Variants in PLA2G5 observed in about 807,000 individuals in gnomAD.
The protein encoded by PLA2G5 is Ca2+-dependent phospholipase A2.
PLA2G5 carries 12 observed loss-of-function variants against 15.9 expected under a neutral mutation model. The ratio of observed to expected loss-of-function variants is 0.76; its 90% CI spans 0.48 to 1.23. PLA2G5 has a LOEUF of 1.23. PLA2G5 is among the 50% of genes most tolerant of loss of function. PLA2G5 has a pLI of 0.00. For missense variants in PLA2G5, 169 were observed against 177.1 expected (o/e 0.95, Z 0.26); for synonymous variants, 71 against 71.4 (o/e 0.99, Z 0.03).
At chr1:20,066,811 A>G (rs2015055181), upstream of PLA2G5, among the ~76,000 whole-genome samples, 1 of 152,192 alleles carries the variant, frequency 6.6e-6, no homozygotes. Context: ...GTTCCAAAAC[A>G]GCCAGAGCAA....
At chr1:20,055,908 G>A (rs1287777705) in intron 1 of PLA2G5, among the ~76,000 whole-genome samples, 1 of 152,162 alleles carries the variant, frequency 6.6e-6, no homozygotes, top group Non-Finnish European at 1.5e-5. Context: ...CAACTAGTTT[G>A]GGGATCAGAG....
chr1:20,038,360 C>A (rs1438163571), intron 1 of PLA2G5, among the ~76,000 whole-genome samples: 3 of 152,196 alleles, frequency 2.0e-5, no homozygotes, highest in African/African-American at 7.2e-5. Flanking sequence ...TCCCTGTGAT[C>A]TTTCCCCAAT....
chr1:20,086,640 A>G (rs2016306470), intron 3 of PLA2G5, among the ~76,000 whole-genome samples: 1 of 152,206 alleles, frequency 6.6e-6, no homozygotes, highest in South Asian at 2.1e-4. Flanking sequence ...CCTGTCACTT[A>G]GGCCTCTCCA....
intron 1 of PLA2G5, among the ~76,000 whole-genome samples, chr1:20,036,913 C>T (rs2013283899): frequency 6.6e-6 from 1 of 152,236 alleles, no homozygotes; most frequent in Non-Finnish European, 1.5e-5. Flanking sequence ...GACCTGCCCA[C>T]CTCAGCCTCC....
intron 1 of PLA2G5, among the ~76,000 whole-genome samples, chr1:20,031,849 C>T (rs2012966978): frequency 6.6e-6 from 1 of 152,128 alleles, no homozygotes. Context: ...ACCCAGTCCA[C>T]TTGTTGTAGG....
chr1:20,039,127 G>A (rs985607539), intron 1 of PLA2G5, among the ~76,000 whole-genome samples: 13 of 152,164 alleles, frequency 8.5e-5, no homozygotes, highest in Admixed American at 2.0e-4. Flanking sequence ...GTTGTCCATC[G>A]AGCAAGAATC....
chr1:20,036,887 A>G (rs1313369231), intron 1 of PLA2G5, among the ~76,000 whole-genome samples: 1 of 150,332 alleles, frequency 6.7e-6, no homozygotes, highest in Non-Finnish European at 1.5e-5. Context: ...CTGGTCTCGA[A>G]CTCCCGACCT....
chr1:20,042,527 G>A (rs1054933160), intron 1 of PLA2G5, among the ~76,000 whole-genome samples: 15 of 152,156 alleles, frequency 9.9e-5, no homozygotes, highest in African/African-American at 3.6e-4. Flanking sequence ...GTAATGAAAA[G>A]CGTTGGGATG....
At chr1:20,034,439 T>G (rs2013136786) in intron 1 of PLA2G5, among the ~76,000 whole-genome samples, 1 of 152,156 alleles carries the variant, frequency 6.6e-6, no homozygotes, top group South Asian at 2.1e-4. Flanking sequence ...CTAGAGTATG[T>G]GGGTTGGGGA....
At chr1:20,041,777 C>T (rs746007120) in intron 1 of PLA2G5, among the ~76,000 whole-genome samples, 20 of 151,986 alleles carry the variant, frequency 1.3e-4, no homozygotes, top group Non-Finnish European at 2.4e-4. Flanking sequence ...GGGAAGAGAT[C>T]GATTGGTGGA....
intron 2 of PLA2G5, among the ~76,000 whole-genome samples, chr1:20,064,698 A>G (rs1000663553): frequency 1.3e-5 from 2 of 152,198 alleles, no homozygotes; most frequent in Non-Finnish European, 2.9e-5. Context: ...GTTCGAGGCC[A>G]GCCTGGCCAA....
chr1:20,036,884 C>T (rs746809130), intron 1 of PLA2G5, among the ~76,000 whole-genome samples: 2 of 152,074 alleles, frequency 1.3e-5, no homozygotes, highest in African/African-American at 4.8e-5. Context: ...ACGCTGGTCT[C>T]GAACTCCCGA....
intron 1 of PLA2G5, among the ~76,000 whole-genome samples, chr1:20,051,667 A>G (rs1184677214): frequency 2.0e-5 from 3 of 152,242 alleles, no homozygotes; most frequent in African/African-American, 7.2e-5. Context: ...ATAGGACACA[A>G]TTGGAGAAAC....
chr1:20,059,624 CCTT>C (rs2014608666), intron 1 of PLA2G5: 1 of 152,178 alleles, frequency 6.6e-6, no homozygotes, highest in Non-Finnish European at 1.5e-5. Context: ...TATTTCATCT[CCTT>C]CTAGTGTACC....
upstream of PLA2G5, among the ~76,000 whole-genome samples, chr1:20,066,484 G>C (rs771430849): frequency 6.6e-6 from 1 of 152,136 alleles, no homozygotes; most frequent in Non-Finnish European, 1.5e-5. Context: ...AGCCATATTG[G>C]GGGTATTTAC....
chr1:20,070,054 A>T (rs1374109037), upstream of PLA2G5, among the ~76,000 whole-genome samples: 1 of 152,168 alleles, frequency 6.6e-6, no homozygotes, highest in Admixed American at 6.5e-5. Context: ...AAGGCTTGTG[A>T]AGTGGCTAAA....
At chr1:20,040,263 G>A (rs1322749699) in intron 1 of PLA2G5, among the ~76,000 whole-genome samples, 4 of 152,090 alleles carry the variant, frequency 2.6e-5, no homozygotes, top group Admixed American at 1.3e-4. Context: ...TTTTGTGAAG[G>A]TATTTTTGTA....
chr1:20,040,619 C>T (rs1288377992), intron 1 of PLA2G5, among the ~76,000 whole-genome samples: 1 of 151,818 alleles, frequency 6.6e-6, no homozygotes, highest in Non-Finnish European at 1.5e-5. Context: ...CACTCACACT[C>T]ATTTACTCAA....
rs1280050164 is a variant in PLA2G5 at position 20,072,132 on chromosome 1, C to G, written c.-11+1667C>G. On this transcript the variant is annotated intron_variant, in intron 1 of 4. Transcript: ENST00000375108. ...AAAATAAATAAATAAAGTGGCCACT[C>G]CCACCATCAACAGTCCCCGTCCCCA... Among the ~76,000 whole-genome samples the G allele has an allele frequency of 5.9e-5, 9 of 152,142 alleles. No individual in the cohort carries two copies. In the East Asian group the frequency reaches 1.5e-3, roughly 26 times the overall value.
Sources: gnomAD v4.1 joint callset for allele counts (sites outside exome capture counted in the v4.1 genomes callset) on GRCh38, gnomAD v4.1.1 for gene constraint, MANE v1.5 for transcripts, NCBI Gene and HGNC (gene_info 2026-07-23, HGNC 2026-07-21) for gene names.